AKAP13: variants seen among roughly 807,000 people sequenced by gnomAD.
AKAP13 encodes A-kinase anchor protein 13.
AKAP13 carries 80 observed loss-of-function variants against 264.5 expected under a neutral mutation model. The ratio of observed to expected loss-of-function variants is 0.30; its 90% confidence interval spans 0.25 to 0.36. The LOEUF is 0.36. Among genes scored for constraint, AKAP13 ranks in the 10% least tolerant of loss-of-function variants. AKAP13 has a pLI of 1.00. For missense variants in AKAP13, 3,712 were observed against 3,435.2 expected (o/e 1.08, Z -2.01); for synonymous variants, 1,380 against 1,250.2 (o/e 1.10, Z -2.19).
chr15:85,421,625 T>C (rs2072527893), intron 1 of AKAP13, among the ~76,000 whole-genome samples: 1 of 152,274 alleles, frequency 6.6e-6, no homozygotes, highest in African/African-American at 2.4e-5. Flanking sequence ...GTATCTTTTT[T>C]TTTCTTTGCC....
intron 1 of AKAP13, among the ~76,000 whole-genome samples, chr15:85,466,179 T>C (rs8030997): frequency 0.84 from 124,069 of 148,326 alleles, 52,380 homozygotes; most frequent in Non-Finnish European, 0.88. Flanking sequence ...TCATGTCCTT[T>C]GCCCACTTTT....
At position 85,435,905 on chromosome 15, in the gene AKAP13, C is replaced by G. The variant is rs1030074383; in HGVS notation, c.-11-49805C>G. 7.7e-5 allele frequency among the ~76,000 whole-genome samples: 11 copies of G among 143,302 alleles called. No homozygotes were observed. The East Asian group carries it at 8.5e-4, about 11-fold the overall frequency. 94.0% of individuals were successfully genotyped at this position (143,302 alleles called of 152,430 possible). A position where few individuals can be genotyped will look rare whatever the true frequency, so the allele number is the denominator to read the frequency against. ...CATCGAGACTAGGAAGAAACTGCAT[C>G]AACTAACGAGCAAAATCACCAGCTA... On this transcript the variant is annotated intron_variant, in intron 1 of 36. Coordinates refer to ENST00000394518, the MANE Select transcript of AKAP13 (RefSeq NM_007200.5).
chr15:85,743,920 GA>G (rs1275370154), intron 36 of AKAP13, 95 bp downstream of exon 36: 1 of 1,395,542 alleles, frequency 7.2e-7, no homozygotes, highest in Non-Finnish European at 9.5e-7. Flanking sequence ...TTGAAAAGGG[GA>G]CAGTTCAGAT....
intron 8 of AKAP13, among the ~76,000 whole-genome samples, chr15:85,636,933 A>G (rs376643787): frequency 5.3e-5 from 8 of 152,194 alleles, no homozygotes; most frequent in African/African-American, 1.7e-4. Flanking sequence ...TTTTCATCTA[A>G]TGATGATCAT....
chr15:85,469,538 T>G (rs2074882452), intron 1 of AKAP13, among the ~76,000 whole-genome samples: 1 of 152,208 alleles, frequency 6.6e-6, no homozygotes, highest in Non-Finnish European at 1.5e-5. Flanking sequence ...GAGTCATCAT[T>G]TGCAGGCCAT....
At chr15:85,668,539 C>G (rs2083730273) in intron 13 of AKAP13, among the ~76,000 whole-genome samples, 1 of 152,206 alleles carries the variant, frequency 6.6e-6, no homozygotes, top group Non-Finnish European at 1.5e-5. Flanking sequence ...CATGTAGAAT[C>G]ACTATCATCT....
intron 1 of AKAP13, among the ~76,000 whole-genome samples, chr15:85,474,308 T>TTA (rs1225936930): frequency 3.3e-5 from 5 of 152,236 alleles, no homozygotes; most frequent in African/African-American, 9.6e-5. Flanking sequence ...AATGCTGTCT[T>TTA]TAAATAGTCA....
chr15:85,431,842 A>G (rs767025154), intron 1 of AKAP13, among the ~76,000 whole-genome samples: 3 of 152,250 alleles, frequency 2.0e-5, no homozygotes, highest in Admixed American at 6.5e-5. Context: ...GATCAACTCT[A>G]CGATATAATC....
chr15:85,571,181 G>A (rs759642198), intron 5 of AKAP13, among the ~76,000 whole-genome samples: 1 of 152,104 alleles, frequency 6.6e-6, no homozygotes, highest in Non-Finnish European at 1.5e-5. Context: ...AACTTTTGAA[G>A]CAATTATTAA....
intron 2 of AKAP13, among the ~76,000 whole-genome samples, chr15:85,496,440 G>A (rs1010553855): frequency 6.6e-6 from 1 of 152,176 alleles, no homozygotes; most frequent in Non-Finnish European, 1.5e-5. Context: ...GAGATACTGT[G>A]ATTAGGAGGA....
intron 1 of AKAP13, among the ~76,000 whole-genome samples, chr15:85,476,344 T>C (rs535668482): frequency 6.6e-6 from 1 of 152,324 alleles, no homozygotes; most frequent in African/African-American, 2.4e-5. Flanking sequence ...GAGTACCTTA[T>C]CTGTTGGAAT....
chr15:85,550,474 C>T (rs6496088), intron 5 of AKAP13, among the ~76,000 whole-genome samples: 48,848 of 151,772 alleles, frequency 0.32, 7,898 homozygotes, highest in South Asian at 0.43. Flanking sequence ...AAGACACTTG[C>T]GCTTGAAACC....
chr15:85,542,997 G>C, intron 4 of AKAP13, among the ~76,000 whole-genome samples: 1 of 152,166 alleles, frequency 6.6e-6, no homozygotes, highest in East Asian at 1.9e-4. Flanking sequence ...TGCCAGATTC[G>C]AACCCTGATT....
intron 1 of AKAP13, among the ~76,000 whole-genome samples, chr15:85,419,935 GTTTTTTTTTTTTTTT>G (rs11452064): frequency 1.4e-4 from 11 of 77,986 alleles, no homozygotes; most frequent in Admixed American, 1.9e-4. Context: ...TCTGACTCTT[GTTTTTTTTTTTTTTT>G]TTTTTTTTTG....
chr15:85,541,553 G>A (rs2077581547), intron 4 of AKAP13, among the ~76,000 whole-genome samples: 1 of 152,146 alleles, frequency 6.6e-6, no homozygotes, highest in Admixed American at 6.5e-5. Flanking sequence ...TTATTTCCTA[G>A]CAAAAAGAAA....
At chr15:85,674,009 G>A (rs973633197) in intron 14 of AKAP13, among the ~76,000 whole-genome samples, 12 of 151,800 alleles carry the variant, frequency 7.9e-5, no homozygotes, top group Non-Finnish European at 7.4e-5. Context: ...CCCTTTCTAT[G>A]GCTGTATTTT....
At chr15:85,548,492 GTAGT>G (rs1319673845) in intron 5 of AKAP13, among the ~76,000 whole-genome samples, 1 of 152,080 alleles carries the variant, frequency 6.6e-6, no homozygotes, top group Non-Finnish European at 1.5e-5. Flanking sequence ...TGCCTACTTA[GTAGT>G]TAGTGTGACT....
intron 5 of AKAP13, among the ~76,000 whole-genome samples, chr15:85,554,792 A>G (rs1188067445): frequency 6.6e-6 from 1 of 152,182 alleles, no homozygotes; most frequent in African/African-American, 2.4e-5. Flanking sequence ...AAGCGCAGAG[A>G]AATTTAAGTA....
intron 1 of AKAP13, among the ~76,000 whole-genome samples, chr15:85,388,651 T>TA (rs1415073622): frequency 2.1e-4 from 32 of 152,368 alleles, no homozygotes; most frequent in African/African-American, 7.2e-4. Flanking sequence ...TCTGGTGTAA[T>TA]ACGTTGAAAT....
Sources: allele counts gnomAD v4.1 joint callset (sites outside exome capture counted in the v4.1 genomes callset), GRCh38; gene constraint gnomAD v4.1.1; transcripts MANE v1.5; gene names NCBI Gene and HGNC (gene_info 2026-07-23, HGNC 2026-07-21).